The following LARGE1 variants were observed in gnomAD, a reference collection of about 807,000 sequenced individuals.
LARGE1 encodes the protein LARGE xylosyl- and glucuronyltransferase 1.
A neutral mutation model predicts 87.6 loss-of-function variants in LARGE1; 43 were observed. The observed-to-expected ratio is 0.49, with a 90% CI of 0.38 to 0.63. The LOEUF (loss-of-function observed/expected upper bound fraction) is 0.63. Among genes scored for constraint, LARGE1 ranks in the 30% least tolerant of loss-of-function variants. The pLI, the probability that LARGE1 is intolerant of heterozygous loss-of-function variation, is 0.00. For missense variants in LARGE1, 802 were observed against 1,000.2 expected (o/e 0.80, Z 2.67); for synonymous variants, 434 against 394.6 (o/e 1.10, Z -1.18).
chr22:33,089,350 T>C, the LARGE1 span, among the ~76,000 whole-genome samples: 17,059 of 115,856 alleles, frequency 0.15, 1,423 homozygotes, highest in East Asian at 0.46. Context: ...TTCTTCTTCT[T>C]CTTCTTCTTC....
chr22:33,491,496 G>A (rs1416269480), intron 6 of LARGE1, among the ~76,000 whole-genome samples: 1 of 152,158 alleles, frequency 6.6e-6, no homozygotes, highest in Non-Finnish European at 1.5e-5. Context: ...TAATTTAAAA[G>A]ACAATGCTCG....
At chr22:33,873,939 T>C (rs135385) in intron 1 of LARGE1, among the ~76,000 whole-genome samples, 151,336 of 151,350 alleles carry the variant, frequency 1, 75,661 homozygotes, top group Middle Eastern at 1. Context: ...CCAACCCTGA[T>C]ATTTCTTCCT....
chr22:33,072,297 G>C, the LARGE1 span, among the ~76,000 whole-genome samples: 3 of 152,162 alleles, frequency 2.0e-5, no homozygotes. Context: ...GAAGGAGGAG[G>C]AGGTGGGGGA....
At chr22:33,640,170 G>A (rs892290574) in intron 3 of LARGE1, among the ~76,000 whole-genome samples, 1 of 152,176 alleles carries the variant, frequency 6.6e-6, no homozygotes, top group African/African-American at 2.4e-5. Flanking sequence ...TCTACTGACT[G>A]ACATTTCTTG....
chr22:33,452,072 T>C (rs2067955253), intron 6 of LARGE1, among the ~76,000 whole-genome samples: 1 of 152,242 alleles, frequency 6.6e-6, no homozygotes, highest in African/African-American at 2.4e-5. Context: ...CATCTACACA[T>C]TTATTCATCC....
intron 10 of LARGE1, among the ~76,000 whole-genome samples, chr22:33,331,465 T>C (rs1377744736): frequency 1.3e-5 from 2 of 150,544 alleles, no homozygotes; most frequent in Admixed American, 6.7e-5. Flanking sequence ...TGGAGTGCAA[T>C]GGCATGATTT....
intron 9 of LARGE1, among the ~76,000 whole-genome samples, chr22:33,380,868 G>C (rs932768997): frequency 6.6e-6 from 1 of 152,206 alleles, no homozygotes; most frequent in Non-Finnish European, 1.5e-5. Flanking sequence ...TGTCAGACAG[G>C]CCTGTGTTGA....
At chr22:33,165,201 T>C (rs1242185116) in exon 12 of LARGE1, 1 of 152,182 alleles carries the variant, frequency 6.6e-6, no homozygotes, top group Non-Finnish European at 1.5e-5. Flanking sequence ...CCAGAAGAAC[T>C]TCGGGGATAG....
chr22:33,572,164 T>G (rs1345010653), intron 5 of LARGE1: 9 of 1,263,402 alleles, frequency 7.1e-6, no homozygotes, highest in African/African-American at 1.5e-5. Context: ...CATTTTGCTG[T>G]GGATTACAAA....
chr22:33,834,256 T>A (rs1307132462), intron 1 of LARGE1, among the ~76,000 whole-genome samples: 1 of 152,136 alleles, frequency 6.6e-6, no homozygotes, highest in African/African-American at 2.4e-5. Context: ...GCAAAAATAA[T>A]CATAATCAAG....
chr22:33,476,766 T>C (rs1378166816), intron 6 of LARGE1, among the ~76,000 whole-genome samples: 1 of 150,820 alleles, frequency 6.6e-6, no homozygotes, highest in Non-Finnish European at 1.5e-5. Context: ...AAGGTATACA[T>C]TCATGACCAG....
chr22:33,271,732 T>G (rs1320861149), downstream of LARGE1, among the ~76,000 whole-genome samples: 1 of 152,160 alleles, frequency 6.6e-6, no homozygotes, highest in Non-Finnish European at 1.5e-5. Context: ...CTGCTCCCAG[T>G]GTAAGTTCTG....
At chr22:33,638,134 C>A (rs544807373) in intron 3 of LARGE1, among the ~76,000 whole-genome samples, 2 of 152,302 alleles carry the variant, frequency 1.3e-5, no homozygotes, top group East Asian at 3.9e-4. Flanking sequence ...TATCCTCCAA[C>A]AGCAATGTGG....
chr22:33,160,031 T>G (rs1921972475), downstream of LARGE1, among the ~76,000 whole-genome samples: 1 of 152,120 alleles, frequency 6.6e-6, no homozygotes, highest in Admixed American at 6.5e-5. Flanking sequence ...CTTGAGGGAC[T>G]TGAACTTATA....
At chr22:33,536,571 T>C (rs1424926266) in intron 6 of LARGE1, among the ~76,000 whole-genome samples, 1 of 152,232 alleles carries the variant, frequency 6.6e-6, no homozygotes, top group Non-Finnish European at 1.5e-5. Flanking sequence ...CAATAAAACA[T>C]AATTATCTCT....
At chr22:33,843,063 T>A (rs191431430) in intron 1 of LARGE1, among the ~76,000 whole-genome samples, 1 of 152,294 alleles carries the variant, frequency 6.6e-6, no homozygotes, top group Admixed American at 6.5e-5. Flanking sequence ...CTCCTAGCCT[T>A]CCTGGAAGAC....
At chr22:33,549,684 G>C (rs1221426015) in intron 6 of LARGE1, among the ~76,000 whole-genome samples, 2 of 152,178 alleles carry the variant, frequency 1.3e-5, no homozygotes, top group African/African-American at 4.8e-5. Flanking sequence ...CAAGTCAGAA[G>C]CACATAAAAT....
rs537700608 is a variant in LARGE1 at position 33,464,915 on chromosome 22, G to A, written c.788-32650C>T. ...CATACACACACACACACATACACATGCACACATACATGCACGTACACATAC... is the reference window on the plus strand; with the variant it reads ...CATACACACACACACACATACACATACACACATACATGCACGTACACATAC... On this transcript the variant is annotated intron_variant, in intron 6 of 14. Coordinates refer to ENST00000397394, the MANE Select transcript of LARGE1 (RefSeq NM_133642.5). Among the ~76,000 whole-genome samples, 710 of 142,106 alleles carry A rather than the reference G, an allele frequency of 5.0e-3. 7 individuals carry two copies. The highest frequency in any genetic ancestry group is 0.02 in the African/African-American group (679 of 33,602). The allele number at this position is 142,106 out of a possible 152,430, so 93.2% of individuals were successfully genotyped here.
At chr22:33,541,171 C>A (rs1181186209) in intron 6 of LARGE1, among the ~76,000 whole-genome samples, 1 of 138,230 alleles carries the variant, frequency 7.2e-6, no homozygotes, top group Admixed American at 7.8e-5. Context: ...TAGAGCAAGA[C>A]CCTGTCTCAA....
Sources: gnomAD v4.1 joint callset for allele counts (sites outside exome capture counted in the v4.1 genomes callset) on GRCh38, gnomAD v4.1.1 for gene constraint, MANE v1.5 for transcripts, NCBI Gene and HGNC (gene_info 2026-07-23, HGNC 2026-07-21) for gene names.